MYT1: variants seen among roughly 807,000 people sequenced by gnomAD.
MYT1 encodes myelin transcription factor I.
MYT1 carries 23 observed loss-of-function variants against 123.0 expected under a neutral mutation model. That is an observed-to-expected ratio of 0.19 (90% confidence interval 0.13 to 0.26). The LOEUF (loss-of-function observed/expected upper bound fraction) is 0.26, where lower values mean the gene tolerates loss of function less well. Ranked by LOEUF, MYT1 falls within the 10% of genes least tolerant of loss-of-function variation. The probability of loss-of-function intolerance (pLI) is 1.00; values close to 1 mark genes in which losing one functional copy is unlikely to be tolerated. For synonymous variants in MYT1, 518 were observed against 575.3 expected, an observed-to-expected ratio of 0.90 and a Z score of 1.43; for missense variants, 1,125 against 1,472.5, an observed-to-expected ratio of 0.76 and a Z score of 3.86.
Position 64,218,765 on chromosome 20 carries a change from G to T in MYT1, c.1847-146G>T. On this transcript the variant is annotated intron_variant, in intron 11 of 22. Coordinates refer to ENST00000328439, the MANE Select transcript of MYT1 (RefSeq NM_004535.3). This position sits in a 1 kb window ranked among gnomAD's most constrained non-coding sequence, Gnocchi z 4.0. ...CCTCCCAAAGTGCCCCCTCCCCACTGACTTGTCTGCATTGCTGCCTCTTTT... is the reference window on the plus strand; with the variant it reads ...CCTCCCAAAGTGCCCCCTCCCCACTTACTTGTCTGCATTGCTGCCTCTTTT... 1 of 1,065,154 alleles carries T rather than the reference G, an allele frequency of 9.4e-7. No homozygotes were observed. Among genetic ancestry groups the T allele is most frequent in the East Asian group, 2.4e-5 (1 of 41,502 alleles). The allele number at this position is 1,065,154 out of a possible 1,614,324, so 66.0% of individuals were successfully genotyped here.
rs747169479 is a variant in MYT1, at chr20:64,221,948, C to T, written c.2297C>T (p.Ser766Leu). ...ASSEADDQEV[S>L]EENFEERKYP... ...TCTGAAGCAGATGACCAGGAAGTGT[C>T]GGAAGAGAATTTTGAGGAGCGGAAG... The change falls in exon 14 of 23, where the codon TCG (serine) becomes TTG (leucine). Residue 766 changes from serine (S) to leucine (L), a missense_variant. By Grantham distance (145) the Ser-to-Leu change is moderately radical. Coordinates refer to ENST00000328439, the MANE Select transcript of MYT1 (RefSeq NM_004535.3). 17 of 1,613,718 alleles carry T rather than the reference C, an allele frequency of 1.1e-5. No homozygotes were observed. Among genetic ancestry groups the T allele is most frequent in the South Asian group, 3.3e-5 (3 of 91,054 alleles).
In MYT1 at chr20:64,186,839, A is replaced by G. The variant is rs1177541717; in HGVS notation, c.-98-3224A>G. Among the ~76,000 whole-genome samples, 1 of 145,306 alleles carries G rather than the reference A, an allele frequency of 6.9e-6. No individual in the cohort carries two copies. The highest frequency in any genetic ancestry group is 1.5e-5 in the Non-Finnish European group (1 of 66,978). On this transcript the variant is annotated intron_variant, in intron 1 of 22. Transcript: ENST00000328439. This position sits in a 1 kb window ranked among gnomAD's most constrained non-coding sequence, Gnocchi z 4.3. ...GGCCCCGGCATCCACGTTTCCGTGG[A>G]GAGTTTCCTGTAGCACGTGGCTCCG...
At chr20:64,240,237 T>G (rs1428559788) in intron 22 of MYT1, 83 bp from the exon 23 acceptor site, 1 of 1,558,728 alleles carries the variant, frequency 6.4e-7, no homozygotes, top group Non-Finnish European at 8.7e-7. Flanking sequence ...CGTGGGGACA[T>G]AGGTTTGATG....
intron 19 of MYT1, 105 bp from the exon 20 acceptor site, chr20:64,236,450 G>T (rs1259659886): frequency 4.6e-5 from 38 of 832,416 alleles, no homozygotes; most frequent in Middle Eastern, 5.4e-4. Flanking sequence ...GGTGACCCGG[G>T]GCTGGCCGTG....
intron 1 of MYT1, among the ~76,000 whole-genome samples, chr20:64,173,380 C>A (rs1982346879): frequency 6.6e-6 from 1 of 152,144 alleles, no homozygotes; most frequent in African/African-American, 2.4e-5. Context: ...CAGCCTGTGG[C>A]CTGGCCTAGT....
At chr20:64,205,403 CT>C (rs1272390734) in intron 5 of MYT1, 149 bp from the exon 6 acceptor site, 1 of 1,225,068 alleles carries the variant, frequency 8.2e-7, no homozygotes, top group African/African-American at 1.5e-5. Context: ...TAGTGCTGCA[CT>C]TTGCTTTTTT....
At chr20:64,222,887 C>T (rs912008255) in intron 14 of MYT1, among the ~76,000 whole-genome samples, 3 of 152,248 alleles carry the variant, frequency 2.0e-5, no homozygotes, top group African/African-American at 7.2e-5. Flanking sequence ...TAACTTTAAG[C>T]TCAACTTTAA....
chr20:64,193,557 C>T lies in MYT1; in HGVS notation c.-1+3397C>T, dbSNP rs147574633. ...GAAGAAAACAGGCCAGACCATGGCT[C>T]TGTCTTTCTCCCCTCCCCTCACTGC... On this transcript the variant is annotated intron_variant, in intron 2 of 22. Transcript: ENST00000328439. This position sits in a 1 kb window ranked among gnomAD's most constrained non-coding sequence, Gnocchi z 4.0. 7.2e-5 allele frequency among the ~76,000 whole-genome samples: 11 copies of T among 152,286 alleles called. No individual in the cohort carries two copies. Among genetic ancestry groups the T allele is most frequent in the Non-Finnish European group, 1.3e-4 (9 of 68,028 alleles).
At chr20:64,234,332 C>T (rs567381681) in intron 19 of MYT1, among the ~76,000 whole-genome samples, 14 of 152,252 alleles carry the variant, frequency 9.2e-5, no homozygotes, top group South Asian at 8.3e-4. Context: ...TGCAAAGTAC[C>T]GGCAAGTGGG....
At chr20:64,198,286 C>CA (rs34822167) in intron 2 of MYT1, among the ~76,000 whole-genome samples, 9,270 of 23,638 alleles carry the variant, frequency 0.39, 2,505 homozygotes, top group Non-Finnish European at 0.51. Context: ...GACTCCGTCT[C>CA]AAAAAAAAAA....
At chr20:64,239,358 C>G (rs567635426) in intron 21 of MYT1, among the ~76,000 whole-genome samples, 14 of 152,264 alleles carry the variant, frequency 9.2e-5, no homozygotes, top group African/African-American at 3.4e-4. Context: ...GAAGCTAAGA[C>G]CACAGCAGGT....
rs182837970 is a variant in MYT1 at position 64,217,414 on chromosome 20, C to T, written c.1846+133C>T. 170 of 972,298 alleles carry T rather than the reference C, an allele frequency of 1.7e-4. 2 individuals are homozygous for T. The highest frequency in any genetic ancestry group is 1.2e-3 in the Admixed American group (56 of 46,266). The allele number at this position is 972,298 out of a possible 1,614,324, so 60.2% of individuals were successfully genotyped here. On this transcript the variant is annotated intron_variant, in intron 11 of 22. Transcript: ENST00000328439. ...AAACTCTACCCTCATGGGAGGACCA[C>T]GATGCAGGCTGGAGGTCTCAGCTGT... is the stretch of plus-strand genomic sequence containing the variant.
intron 17 of MYT1, 43 bp from the exon 18 acceptor site, chr20:64,227,845 G>A (rs1202078864): frequency 7.0e-6 from 11 of 1,573,644 alleles, no homozygotes; most frequent in African/African-American, 4.1e-5. Context: ...GAGAAGCTGC[G>A]GTTCCAGCAC....
intron 19 of MYT1, among the ~76,000 whole-genome samples, chr20:64,236,064 T>G (rs1334511327): frequency 2.0e-5 from 2 of 98,032 alleles, no homozygotes; most frequent in South Asian, 4.7e-4. Flanking sequence ...TGGGTGACCC[T>G]GGGCTGGCCG....
At position 64,210,495 on chromosome 20, in the gene MYT1, G is replaced by A. The variant is rs118020137; in HGVS notation, c.1292-711G>A. Among the ~76,000 whole-genome samples, 178 of 152,328 alleles carry A rather than the reference G, an allele frequency of 1.2e-3. 4 individuals are homozygous for A. The East Asian group carries it at 0.031, about 27-fold the overall frequency. ...GGAAGTCTGACTCCTTTGAACTTGG[G>A]GCAGCAGAGCAAGAGCTCCTTCCCT... On this transcript the variant is annotated intron_variant, in intron 7 of 22. Transcript: ENST00000328439.
Position 64,213,176 on chromosome 20 carries a change from G to A in MYT1, c.1518-358G>A, listed in dbSNP as rs1157142820. ...AGAATCCAGCCCTGCAAGCTGGGAA[G>A]GGAGAGGAAGGGGGTGAGGGCAAGC... On this transcript the variant is annotated intron_variant, in intron 9 of 22. Coordinates refer to ENST00000328439, the MANE Select transcript of MYT1 (RefSeq NM_004535.3). The surrounding 1 kb of genome is among the most constrained non-coding windows in gnomAD (Gnocchi z 5.6). 6.6e-6 allele frequency among the ~76,000 whole-genome samples: 1 copy of A among 152,150 alleles called. No homozygotes were observed. Among genetic ancestry groups the A allele is most frequent in the Non-Finnish European group, 1.5e-5 (1 of 68,034 alleles).
rs1568708222 is a variant in MYT1, at chr20:64,202,017, T to TGTCGGGAACCCC, written c.86+2095_86+2096insGTCGGGAACCCC. Among the ~76,000 whole-genome samples, 1 of 17,460 alleles carries TGTCGGGAACCCC rather than the reference T, an allele frequency of 5.7e-5. No individual in the cohort carries two copies. The highest frequency in any genetic ancestry group is 1.4e-4 in the Non-Finnish European group (1 of 7,056). The allele number at this position is 17,460 out of a possible 152,430, so 11.5% of individuals were successfully genotyped here. A position where few individuals can be genotyped will look rare whatever the true frequency, so the allele number is the denominator to read the frequency against. On this transcript the variant is annotated intron_variant, in intron 4 of 22. Transcript: ENST00000328439. The surrounding 1 kb of genome is among the most constrained non-coding windows in gnomAD (Gnocchi z 5.0). Reference sequence around the variant, plus strand: ...GGAACCCCCGCGTGTCGGGAACCCCTCGCGTGTCGGGAACCCCCGCGTGTC... The same window carrying TGTCGGGAACCCC: ...GGAACCCCCGCGTGTCGGGAACCCCTGTCGGGAACCCCCGCGTGTCGGGAACCCCCGCGTGTC...
chr20:64,195,702 A>C (rs574894028), intron 2 of MYT1, among the ~76,000 whole-genome samples: 1 of 152,242 alleles, frequency 6.6e-6, no homozygotes, highest in South Asian at 2.1e-4. Flanking sequence ...AGCCAGAACC[A>C]TGTATATTTT....
At chr20:64,206,286 A>C (rs751737913) in intron 6 of MYT1, among the ~76,000 whole-genome samples, 7 of 152,166 alleles carry the variant, frequency 4.6e-5, no homozygotes, top group African/African-American at 7.2e-5. Context: ...GTTGAGCTTC[A>C]GGTGATTGAG....
Sources: allele counts gnomAD v4.1 joint callset (sites outside exome capture counted in the v4.1 genomes callset), GRCh38; gene constraint gnomAD v4.1.1; non-coding constraint Gnocchi (gnomAD v3.1); transcripts MANE v1.5; gene names NCBI Gene and HGNC (gene_info 2026-07-23, HGNC 2026-07-21).